Variants in GAS2L3 observed in about 807,000 individuals in gnomAD.
The protein encoded by GAS2L3 is growth arrest specific 2 like 3, also known as GAS2-like protein 3.
A neutral mutation model predicts 37.0 loss-of-function variants in GAS2L3; 28 were observed. That is an observed-to-expected ratio of 0.76 (90% CI 0.56 to 1.04). The LOEUF (loss-of-function observed/expected upper bound fraction) is 1.04, where lower values mean the gene tolerates loss of function less well. Among genes scored for constraint, GAS2L3 ranks in the 50% least tolerant of loss-of-function variants. The pLI is 0.00. For synonymous variants in GAS2L3, 290 were observed against 296.6 expected, an observed-to-expected ratio of 0.98 and a Z score of 0.23; for missense variants, 793 against 817.6, an observed-to-expected ratio of 0.97 and a Z score of 0.37.
At chr12:100,579,467 G>C (rs1419283202) in intron 1 of GAS2L3, 22 of 790,276 alleles carry the variant, frequency 2.8e-5, no homozygotes, top group Non-Finnish European at 4.5e-5. Flanking sequence ...AACAAATTTG[G>C]TTAGTGGTAT....
intron 1 of GAS2L3, among the ~76,000 whole-genome samples, chr12:100,581,581 A>G (rs1320157576): frequency 3.9e-5 from 6 of 152,250 alleles, no homozygotes; most frequent in Admixed American, 3.9e-4. Flanking sequence ...TATAAAAAGA[A>G]ATATATTTGG....
rs188556562 is a variant in GAS2L3, at chr12:100,616,878, A to G, written c.446-866A>G. Among the ~76,000 whole-genome samples the G allele has an allele frequency of 2.0e-3, 312 of 152,304 alleles. 2 individuals are homozygous for G. Among genetic ancestry groups the G allele is most frequent in the African/African-American group, 7.1e-3 (296 of 41,566 alleles). On this transcript the variant is annotated intron_variant, in intron 6 of 9. Transcript: ENST00000547754. ...TGCTGAATAGAAATAATAAGAGTGG[A>G]CATCCTTGTCTTTTCCTGGTCTTGA...
chr12:100,625,163 C>T lies in GAS2L3; in HGVS notation c.*273C>T, dbSNP rs1475719541. 10 of 265,350 alleles carry T rather than the reference C, an allele frequency of 3.8e-5. 1 individual carries two copies. The highest frequency in any genetic ancestry group is 1.8e-4 in the African/African-American group (8 of 45,612). The allele number at this position is 265,350 out of a possible 1,614,324, so 16.4% of individuals were successfully genotyped here. On this transcript the variant is annotated 3_prime_UTR_variant, in exon 10 of 10. Transcript: ENST00000547754. ...CAGTCTATAGCATCTTTGTTAACATCTGCCTTTTGCAGGAAATGTAAAAGT... is the reference window on the plus strand; with the variant it reads ...CAGTCTATAGCATCTTTGTTAACATTTGCCTTTTGCAGGAAATGTAAAAGT...
intron 6 of GAS2L3, among the ~76,000 whole-genome samples, chr12:100,617,123 G>T (rs1956197410): frequency 6.6e-6 from 1 of 151,606 alleles, no homozygotes; most frequent in Non-Finnish European, 1.5e-5. Context: ...ATTGCATTGG[G>T]TTGATTTTCT....
intron 1 of GAS2L3, among the ~76,000 whole-genome samples, chr12:100,578,098 A>G (rs1013364419): frequency 6.6e-6 from 1 of 152,230 alleles, no homozygotes; most frequent in African/African-American, 2.4e-5. Flanking sequence ...TTCATGAAGA[A>G]CAGGGTTGCA....
chr12:100,622,452 C>G, intron 9 of GAS2L3, 70 bp downstream of exon 9: 1 of 747,556 alleles, frequency 1.3e-6, no homozygotes, highest in Non-Finnish European at 2.3e-6. Context: ...GCTTTACTAA[C>G]CTTTTGCTCT....
intron 1 of GAS2L3, chr12:100,579,334 A>C (rs1773794407): frequency 1.5e-6 from 1 of 676,462 alleles, no homozygotes; most frequent in South Asian, 1.8e-5. Context: ...TACGAGCGGC[A>C]CTGATTACTG....
chr12:100,603,671 T>A (rs1368140580), intron 5 of GAS2L3, among the ~76,000 whole-genome samples: 1 of 152,140 alleles, frequency 6.6e-6, no homozygotes, highest in Non-Finnish European at 1.5e-5. Context: ...TGGTTGCTTC[T>A]GCTTATGGGG....
intron 7 of GAS2L3, 148 bp downstream of exon 7, chr12:100,617,955 C>G: frequency 1.7e-6 from 1 of 603,330 alleles, no homozygotes; most frequent in East Asian, 2.8e-5. Context: ...TTATCAACTT[C>G]ATTCTGTTTG....
chr12:100,585,901 C>T (rs1476231470), intron 1 of GAS2L3, among the ~76,000 whole-genome samples: 10 of 152,208 alleles, frequency 6.6e-5, no homozygotes, highest in Non-Finnish European at 1.5e-5. Flanking sequence ...TTGGCTCTCA[C>T]CTTTTCTACC....
At position 100,578,945 on chromosome 12, in the gene GAS2L3, A is replaced by C. The variant is rs1374089986; in HGVS notation, c.-152+5160A>C. 5.4e-6 allele frequency: 5 copies of C among 923,752 alleles called. No individual in the cohort carries two copies. The African/African-American group carries it at 6.5e-5, about 12-fold the overall frequency. 57.2% of individuals were successfully genotyped at this position (923,752 alleles called of 1,614,324 possible). A position where few individuals can be genotyped will look rare whatever the true frequency, so the allele number is the denominator to read the frequency against. ...CCTGATTGGAAGAGGGGATAAGGTTATAATTGTCATCCATGCTTATGGAAA... is the reference window on the plus strand; with the variant it reads ...CCTGATTGGAAGAGGGGATAAGGTTCTAATTGTCATCCATGCTTATGGAAA... On this transcript the variant is annotated intron_variant, in intron 1 of 9. Transcript: ENST00000547754.
intron 5 of GAS2L3, among the ~76,000 whole-genome samples, chr12:100,606,781 C>T (rs1473145432): frequency 2.0e-5 from 3 of 151,866 alleles, no homozygotes; most frequent in Non-Finnish European, 4.4e-5. Context: ...CTAACTTTAT[C>T]CCCTTGCTTT....
At chr12:100,581,876 A>G (rs749296496) in intron 1 of GAS2L3, among the ~76,000 whole-genome samples, 2 of 152,198 alleles carry the variant, frequency 1.3e-5, no homozygotes, top group African/African-American at 2.4e-5. Context: ...TTAAATTGTC[A>G]TTTATTTGAG....
chr12:100,583,490 C>A (rs1470043256), intron 1 of GAS2L3, among the ~76,000 whole-genome samples: 1 of 152,146 alleles, frequency 6.6e-6, no homozygotes, highest in East Asian at 1.9e-4. Context: ...AAACCTTAGT[C>A]ATTTCTTTCT....
intron 1 of GAS2L3, among the ~76,000 whole-genome samples, chr12:100,576,780 A>G (rs1268801168): frequency 3.3e-5 from 5 of 152,218 alleles, no homozygotes; most frequent in East Asian, 3.8e-4. Context: ...GAAAGCCACC[A>G]TGTATTTCAT....
intron 1 of GAS2L3, among the ~76,000 whole-genome samples, chr12:100,583,179 C>T (rs1212831035): frequency 6.6e-6 from 1 of 152,256 alleles, no homozygotes; most frequent in African/African-American, 2.4e-5. Context: ...CTGCATCCCT[C>T]TTACAGGAAC....
chr12:100,614,129 T>C (rs998855665), intron 6 of GAS2L3, among the ~76,000 whole-genome samples: 1 of 152,162 alleles, frequency 6.6e-6, no homozygotes, highest in Non-Finnish European at 1.5e-5. Context: ...TCCTTTTATA[T>C]TTATTTTTAT....
chr12:100,611,090 G>T (rs1257874740), intron 5 of GAS2L3: 2 of 151,440 alleles, frequency 1.3e-5, no homozygotes, highest in African/African-American at 4.9e-5. Context: ...GGGCTCAAGT[G>T]ATCCTCTCAC....
intron 1 of GAS2L3, among the ~76,000 whole-genome samples, chr12:100,584,831 A>G (rs1234369855): frequency 1.3e-5 from 2 of 150,722 alleles, no homozygotes; most frequent in Non-Finnish European, 2.9e-5. Flanking sequence ...TTGGCCTCCC[A>G]AAGTGCTGGG....
Sources: allele counts gnomAD v4.1 joint callset (sites outside exome capture counted in the v4.1 genomes callset), GRCh38; gene constraint gnomAD v4.1.1; transcripts MANE v1.5; gene names NCBI Gene and HGNC (gene_info 2026-07-23, HGNC 2026-07-21).